Variants in MDFIC observed in about 807,000 individuals in gnomAD.
MDFIC encodes MyoD family inhibitor domain containing.
A neutral mutation model predicts 23.2 loss-of-function variants in MDFIC; 17 were observed. The ratio of observed to expected loss-of-function variants is 0.73; its 90% CI spans 0.50 to 1.10. The LOEUF (loss-of-function observed/expected upper bound fraction) is 1.10, where lower values mean the gene tolerates loss of function less well. MDFIC is among the 50% of genes least tolerant of loss of function. MDFIC has a pLI of 0.00. For missense variants in MDFIC, 356 were observed against 316.6 expected (o/e 1.12, Z -0.95); for synonymous variants, 120 against 115.2 (o/e 1.04, Z -0.27).
In MDFIC at chr7:115,016,873, G is replaced by C. The variant is rs1448042961; in HGVS notation, c.*938G>C. The C allele has an allele frequency of 1.3e-5, 2 of 152,126 alleles. No individual in the cohort carries two copies. The highest frequency in any genetic ancestry group is 4.8e-5 in the African/African-American group (2 of 41,422). The allele number at this position is 152,126 out of a possible 1,614,324, so 9.4% of individuals were successfully genotyped here. Reference sequence around the variant, plus strand: ...TCCACTCCTGTCCACAGGAACATGAGATTTAGCAGACTAAGGAGATCTGTA... The same window carrying C: ...TCCACTCCTGTCCACAGGAACATGACATTTAGCAGACTAAGGAGATCTGTA... On this transcript the variant is annotated 3_prime_UTR_variant, in exon 5 of 5. Transcript: ENST00000393486.
chr7:114,989,035 A>G (rs1430939453), intron 4 of MDFIC, among the ~76,000 whole-genome samples: 1 of 152,146 alleles, frequency 6.6e-6, no homozygotes, highest in Non-Finnish European at 1.5e-5. Context: ...TCCAGAGGTA[A>G]TATCAGATAG....
At chr7:114,948,501 G>A (rs1792694797) in intron 3 of MDFIC, among the ~76,000 whole-genome samples, 2 of 151,730 alleles carry the variant, frequency 1.3e-5, no homozygotes, top group South Asian at 2.1e-4. Context: ...AAAAAAATTC[G>A]AGACGACCTT....
chr7:115,011,957 C>A (rs577420083), intron 4 of MDFIC, among the ~76,000 whole-genome samples: 2 of 152,330 alleles, frequency 1.3e-5, no homozygotes, highest in South Asian at 4.1e-4. Context: ...GCTATCAAAT[C>A]TTATTAACAC....
chr7:114,952,028 A>G (rs1213637839), intron 3 of MDFIC, among the ~76,000 whole-genome samples: 3 of 152,246 alleles, frequency 2.0e-5, no homozygotes, highest in Admixed American at 1.3e-4. Context: ...TTTCGCACCC[A>G]TGATGCTGGG....
chr7:114,939,816 A>C (rs1792503114), intron 2 of MDFIC, among the ~76,000 whole-genome samples: 2 of 152,242 alleles, frequency 1.3e-5, no homozygotes, highest in African/African-American at 4.8e-5. Context: ...ATTAAATTTG[A>C]ACAGCTCAAA....
In MDFIC at chr7:115,015,989, G is replaced by T. The variant is rs369434346; in HGVS notation, c.*54G>T. The T allele has an allele frequency of 4.5e-6, 7 of 1,540,748 alleles. No individual in the cohort carries two copies. The South Asian group carries it at 7.3e-5, about 16-fold the overall frequency. Reference sequence around the variant, plus strand: ...GGAGAGTGTTTAAAAATTTCCTTTTGGGGGGAAGAAAAGCACATTGTAAGA... The same window carrying T: ...GGAGAGTGTTTAAAAATTTCCTTTTTGGGGGAAGAAAAGCACATTGTAAGA... On this transcript the variant is annotated 3_prime_UTR_variant, in exon 5 of 5. Coordinates refer to ENST00000393486, the MANE Select transcript of MDFIC (RefSeq NM_001166345.3).
At chr7:114,923,195 C>G in intron 2 of MDFIC, 68 bp downstream of exon 2, 1 of 1,513,526 alleles carries the variant, frequency 6.6e-7, no homozygotes, top group Non-Finnish European at 8.9e-7. Flanking sequence ...CTCACAAGTG[C>G]ACAGATAGGG....
intron 3 of MDFIC, among the ~76,000 whole-genome samples, chr7:114,961,993 TTAA>T (rs1793001826): frequency 6.6e-6 from 1 of 152,190 alleles, no homozygotes; most frequent in South Asian, 2.1e-4. Context: ...GAAGAAAATT[TTAA>T]TAATGATGTT....
chr7:114,931,492 G>T (rs551710748), intron 2 of MDFIC, among the ~76,000 whole-genome samples: 1 of 152,066 alleles, frequency 6.6e-6, no homozygotes, highest in Admixed American at 6.5e-5. Flanking sequence ...AATATTTTTC[G>T]GTGTGCCTAC....
Position 114,938,064 on chromosome 7 carries a change from C to A in MDFIC, c.95-4211C>A, listed in dbSNP as rs542132260. 2.2e-4 allele frequency among the ~76,000 whole-genome samples: 33 copies of A among 152,284 alleles called. No homozygotes were observed. The East Asian group carries it at 6.4e-3, about 29-fold the overall frequency. On this transcript the variant is annotated intron_variant, in intron 2 of 4. Coordinates refer to ENST00000393486, the MANE Select transcript of MDFIC (RefSeq NM_001166345.3). ...TCTGTCTTCCCGGATTCAAGCAATT[C>A]TCCTGCCTCAGCCTCCCAAGTGGCT...
chr7:114,993,215 TA>T (rs1336306813), intron 4 of MDFIC, among the ~76,000 whole-genome samples: 1 of 152,144 alleles, frequency 6.6e-6, no homozygotes, highest in African/African-American at 2.4e-5. Flanking sequence ...TATCATTTTT[TA>T]TTGTGTCTAT....
At chr7:114,985,254 C>T (rs1379645020) in intron 4 of MDFIC, among the ~76,000 whole-genome samples, 1 of 152,088 alleles carries the variant, frequency 6.6e-6, no homozygotes, top group Non-Finnish European at 1.5e-5. Flanking sequence ...CTGCTTAGTG[C>T]TTAGAATACA....
intron 2 of MDFIC, among the ~76,000 whole-genome samples, chr7:114,925,580 A>C (rs1376726289): frequency 6.6e-6 from 1 of 152,164 alleles, no homozygotes; most frequent in Non-Finnish European, 1.5e-5. Context: ...CAGGGACATA[A>C]GCTTACATGC....
intron 2 of MDFIC, among the ~76,000 whole-genome samples, chr7:114,926,822 T>C (rs1792200316): frequency 1.3e-5 from 2 of 152,220 alleles, no homozygotes; most frequent in South Asian, 4.1e-4. Flanking sequence ...TTTATTTCAA[T>C]GTATATAATG....
intron 4 of MDFIC, among the ~76,000 whole-genome samples, chr7:114,984,422 C>A (rs577132626): frequency 6.6e-6 from 1 of 152,140 alleles, no homozygotes; most frequent in African/African-American, 2.4e-5. Flanking sequence ...TTTTATCCTA[C>A]CCTTCCTTGA....
intron 4 of MDFIC, among the ~76,000 whole-genome samples, chr7:115,013,495 A>C (rs1791723917): frequency 6.6e-6 from 1 of 152,212 alleles, no homozygotes; most frequent in Admixed American, 6.5e-5. Flanking sequence ...CTTCAATGTC[A>C]GGTGGGTTTT....
intron 4 of MDFIC, among the ~76,000 whole-genome samples, chr7:115,005,943 C>T (rs1173451722): frequency 1.3e-5 from 2 of 152,150 alleles, no homozygotes; most frequent in East Asian, 1.9e-4. Flanking sequence ...TGCTTTGAAA[C>T]GTGCTTTGGT....
At chr7:115,009,262 C>T (rs1290324515) in intron 4 of MDFIC, among the ~76,000 whole-genome samples, 1 of 152,184 alleles carries the variant, frequency 6.6e-6, no homozygotes, top group African/African-American at 2.4e-5. Context: ...GTGAGTTATT[C>T]TCAGAATTCT....
chr7:114,934,609 G>A (rs1401253464), intron 2 of MDFIC, among the ~76,000 whole-genome samples: 2 of 152,078 alleles, frequency 1.3e-5, no homozygotes, highest in Non-Finnish European at 2.9e-5. Flanking sequence ...AAATACATAA[G>A]AAGCCCTTCA....
Sources: gnomAD v4.1 joint callset for allele counts (sites outside exome capture counted in the v4.1 genomes callset) on GRCh38, gnomAD v4.1.1 for gene constraint, MANE v1.5 for transcripts, NCBI Gene and HGNC (gene_info 2026-07-23, HGNC 2026-07-21) for gene names.